Variants in SCAPER observed in about 807,000 individuals in gnomAD.
The protein encoded by SCAPER is S phase cyclin A-associated protein in the endoplasmic reticulum.
Under a neutral mutation model 182.2 loss-of-function variants are expected in SCAPER, and 98 were observed. That is an observed-to-expected ratio of 0.54 (90% confidence interval 0.46 to 0.64). The LOEUF is 0.64. Among genes scored for constraint, SCAPER ranks in the 30% least tolerant of loss-of-function variants. The pLI is 0.00. For missense variants in SCAPER, 1,432 were observed against 1,690.0 expected (o/e 0.85, Z 2.68); for synonymous variants, 605 against 564.6 (o/e 1.07, Z -1.01).
At chr15:76,471,732 T>A (rs1180552691) in intron 24 of SCAPER, among the ~76,000 whole-genome samples, 2 of 152,002 alleles carry the variant, frequency 1.3e-5, no homozygotes, top group Non-Finnish European at 2.9e-5. Flanking sequence ...TGGTCCGGGA[T>A]AAGAAAGATC....
At chr15:76,593,900 C>A (rs1297343526) in intron 22 of SCAPER, among the ~76,000 whole-genome samples, 4 of 120,664 alleles carry the variant, frequency 3.3e-5, no homozygotes, top group Admixed American at 1.9e-4. Flanking sequence ...AAATTCCAAA[C>A]ACCAGAAGGC....
At position 76,881,063 on chromosome 15, in the gene SCAPER, G is replaced by A. The variant is rs889929079; in HGVS notation, c.6+2749C>T. On this transcript the variant is annotated intron_variant, in intron 2 of 31. Transcript: ENST00000563290. The stretch of plus-strand genomic sequence containing the variant: ...AAGTTCCACTTTTGGTTACGTACCC[G>A]AAATAACTGAAAACAGTTCTTTACT... Among the ~76,000 whole-genome samples, 14 of 152,204 alleles carry A rather than the reference G, an allele frequency of 9.2e-5. 1 individual carries two copies. The South Asian group carries it at 2.3e-3, about 25-fold the overall frequency.
intron 5 of SCAPER, among the ~76,000 whole-genome samples, chr15:76,835,933 C>CAAAAAAAAA (rs35242954): frequency 2.1e-5 from 2 of 94,306 alleles, no homozygotes; most frequent in Non-Finnish European, 2.0e-5. Flanking sequence ...ACATTAGCCA[C>CAAAAAAAAA]AAAAAAAAAA....
At chr15:76,653,513 G>A (rs956913162) in intron 21 of SCAPER, among the ~76,000 whole-genome samples, 1 of 152,110 alleles carries the variant, frequency 6.6e-6, no homozygotes, top group Non-Finnish European at 1.5e-5. Context: ...TACAAAAACT[G>A]ACACATAGAC....
chr15:76,807,340 CTATTA>C (rs1300966168), intron 5 of SCAPER, among the ~76,000 whole-genome samples: 2 of 152,100 alleles, frequency 1.3e-5, no homozygotes, highest in Admixed American at 6.6e-5. Context: ...TTAATACATT[CTATTA>C]TGTTTATTGA....
chr15:76,714,948 A>T (rs952005285), intron 17 of SCAPER, among the ~76,000 whole-genome samples: 6 of 149,412 alleles, frequency 4.0e-5, no homozygotes, highest in African/African-American at 1.3e-4. Context: ...TTTCCATATT[A>T]AAAAAAACAC....
At chr15:76,493,018 G>T (rs284879) in intron 24 of SCAPER, among the ~76,000 whole-genome samples, 1 of 152,024 alleles carries the variant, frequency 6.6e-6, no homozygotes, top group Non-Finnish European at 1.5e-5. Context: ...CTTGCGGCTC[G>T]TTCTTTCTGA....
intron 27 of SCAPER, among the ~76,000 whole-genome samples, chr15:76,402,512 T>C (rs1239261750): frequency 6.6e-6 from 1 of 152,146 alleles, no homozygotes; most frequent in Non-Finnish European, 1.5e-5. Flanking sequence ...ATGGAAGCCT[T>C]TTTTGACCTC....
At chr15:76,387,163 G>C (rs576699449) in intron 27 of SCAPER, among the ~76,000 whole-genome samples, 1 of 152,296 alleles carries the variant, frequency 6.6e-6, no homozygotes, top group South Asian at 2.1e-4. Context: ...GTGAAAAATG[G>C]CTCAATGCTC....
chr15:76,805,317 C>G (rs1008612069), intron 5 of SCAPER, among the ~76,000 whole-genome samples: 1 of 152,126 alleles, frequency 6.6e-6, no homozygotes, highest in East Asian at 1.9e-4. Flanking sequence ...TATGATAACT[C>G]TAAGTTTAAA....
At chr15:76,419,660 T>C (rs1307916469) in intron 26 of SCAPER, among the ~76,000 whole-genome samples, 1 of 151,802 alleles carries the variant, frequency 6.6e-6, no homozygotes, top group African/African-American at 2.4e-5. Context: ...GTGGAGGTTG[T>C]GGTGAGCCGA....
At chr15:76,413,162 A>G (rs1228000901) in intron 26 of SCAPER, among the ~76,000 whole-genome samples, 3 of 152,174 alleles carry the variant, frequency 2.0e-5, no homozygotes, top group African/African-American at 7.2e-5. Flanking sequence ...TATACGTGCA[A>G]TCATGAGACT....
chr15:76,504,199 T>G (rs2041388727), intron 24 of SCAPER, among the ~76,000 whole-genome samples: 1 of 152,098 alleles, frequency 6.6e-6, no homozygotes, highest in Non-Finnish European at 1.5e-5. Flanking sequence ...AAATGAACTT[T>G]TATTAAAACC....
intron 20 of SCAPER, among the ~76,000 whole-genome samples, chr15:76,681,953 G>A (rs114561939): frequency 1.3e-5 from 2 of 152,114 alleles, no homozygotes; most frequent in Non-Finnish European, 2.9e-5. Flanking sequence ...GGGCAAAGTG[G>A]TCTTGCCCAT....
intron 22 of SCAPER, chr15:76,576,709 C>T (rs1237738427): frequency 2.0e-5 from 3 of 151,588 alleles, no homozygotes; most frequent in Admixed American, 1.3e-4. Context: ...GGCAGCCACC[C>T]TGTGGTGCAG....
intron 25 of SCAPER, 177 bp downstream of exon 25, chr15:76,471,035 T>C (rs1439497620): frequency 2.0e-6 from 1 of 489,524 alleles, no homozygotes; most frequent in Non-Finnish European, 3.2e-6. Context: ...TTTCAAATTA[T>C]TAATAAATTT....
chr15:76,904,236 A>G (rs929003957), intron 1 of SCAPER, among the ~76,000 whole-genome samples: 4 of 152,202 alleles, frequency 2.6e-5, no homozygotes, highest in African/African-American at 9.6e-5. Context: ...AAGGCAAGTA[A>G]TAACCTTTTG....
chr15:76,804,637 A>G lies in SCAPER; in HGVS notation c.394-4T>C. 1 of 1,568,654 alleles carries G rather than the reference A, an allele frequency of 6.4e-7. No homozygotes were observed. The highest frequency in any genetic ancestry group is 8.6e-7 in the Non-Finnish European group (1 of 1,156,480). On this transcript the variant is annotated splice_region_variant and splice_polypyrimidine_tract_variant and intron_variant, in intron 5 of 31. Coordinates refer to ENST00000563290, the MANE Select transcript of SCAPER (RefSeq NM_020843.4). ...TATCCAGCATCATTAGCACCTCCTAAAAGAAACAAAACAAAAAAAAATTAA... is the reference window on the plus strand; with the variant it reads ...TATCCAGCATCATTAGCACCTCCTAGAAGAAACAAAACAAAAAAAAATTAA...
chr15:76,657,447 G>C (rs2055743802), intron 21 of SCAPER, among the ~76,000 whole-genome samples: 1 of 151,778 alleles, frequency 6.6e-6, no homozygotes. Context: ...CAGATTTAGA[G>C]CCAGATTCCA....
Sources: gnomAD v4.1 joint callset for allele counts (sites outside exome capture counted in the v4.1 genomes callset) on GRCh38, gnomAD v4.1.1 for gene constraint, MANE v1.5 for transcripts, NCBI Gene and HGNC (gene_info 2026-07-23, HGNC 2026-07-21) for gene names.